Variants in PARD3B observed in about 807,000 individuals in gnomAD.
PARD3B encodes the protein par-3 family cell polarity regulator beta.
Under a neutral mutation model 130.2 loss-of-function variants are expected in PARD3B, and 103 were observed. That is an observed-to-expected ratio of 0.79 (90% CI 0.67 to 0.93). PARD3B has a LOEUF of 0.93. Among genes scored for constraint, PARD3B ranks in the 40% least tolerant of loss-of-function variants. PARD3B has a pLI of 0.00. For missense variants in PARD3B, 1,609 were observed against 1,499.2 expected, an observed-to-expected ratio of 1.07 and a Z score of -1.21; for synonymous variants, 583 against 553.2, an observed-to-expected ratio of 1.05 and a Z score of -0.76.
intron 18 of PARD3B, among the ~76,000 whole-genome samples, chr2:205,394,654 A>G (rs1231204058): frequency 1.3e-5 from 2 of 152,230 alleles, no homozygotes; most frequent in Non-Finnish European, 2.9e-5. Context: ...AATATTATTC[A>G]GCCTTAAAAG....
At position 204,730,478 on chromosome 2, in the gene PARD3B, A is replaced by C. The variant is rs1358921879; in HGVS notation, c.222+44196A>C. ...TTAGTATGTAGTTTTGTAAGGTTCA[A>C]ATTGATGTTAGAACTAAAGGTGGAA... is the stretch of plus-strand genomic sequence containing the variant. On this transcript the variant is annotated intron_variant, in intron 2 of 22. Coordinates refer to ENST00000406610, the MANE Select transcript of PARD3B (RefSeq NM_001302769.2). Among the ~76,000 whole-genome samples the C allele has an allele frequency of 8.6e-5, 13 of 151,624 alleles. No homozygotes were observed. The East Asian group carries it at 2.3e-3, about 27-fold the overall frequency.
chr2:205,300,474 A>G lies in PARD3B; in HGVS notation c.2186-56A>G. 1 of 1,457,354 alleles carries G rather than the reference A, an allele frequency of 6.9e-7. No individual in the cohort carries two copies. The highest frequency in any genetic ancestry group is 9.6e-7 in the Non-Finnish European group (1 of 1,041,386). The allele number at this position is 1,457,354 out of a possible 1,614,324, so 90.3% of individuals were successfully genotyped here. ...ACAGAAATATTCTTAGAACAATAGC[A>G]TTACACCACACTGCCCCATTAGAAG... On this transcript the variant is annotated intron_variant, in intron 16 of 22. Transcript: ENST00000406610. The surrounding 1 kb of genome is among the most constrained non-coding windows in gnomAD (Gnocchi z 4.1).
Position 205,252,513 on chromosome 2 carries a change from T to C in PARD3B, c.2185+6691T>C, listed in dbSNP as rs114848610. 7.5e-3 allele frequency among the ~76,000 whole-genome samples: 1,139 copies of C among 152,248 alleles called. 18 individuals carry two copies. The highest frequency in any genetic ancestry group is 0.026 in the African/African-American group (1,070 of 41,558). On this transcript the variant is annotated intron_variant, in intron 16 of 22. Transcript: ENST00000406610. The stretch of plus-strand genomic sequence containing the variant: ...ACGTTTCAGAAAGGATATGCTTCCA[T>C]AGCAGGATCTGAAAGCAAAATAGAA...
chr2:204,563,760 T>A (rs960586890), intron 1 of PARD3B, among the ~76,000 whole-genome samples: 2 of 152,124 alleles, frequency 1.3e-5, no homozygotes, highest in Non-Finnish European at 2.9e-5. Context: ...TCATGTCACA[T>A]CCTTTGTGGT....
intron 1 of PARD3B, among the ~76,000 whole-genome samples, chr2:204,576,410 GTT>G (rs1393352508): frequency 6.6e-6 from 1 of 152,182 alleles, no homozygotes; most frequent in Non-Finnish European, 1.5e-5. Flanking sequence ...GGCAGTATCT[GTT>G]TTGTAAATCA....
chr2:204,727,280 C>T (rs968987096), intron 2 of PARD3B, among the ~76,000 whole-genome samples: 1 of 152,110 alleles, frequency 6.6e-6, no homozygotes, highest in African/African-American at 2.4e-5. Context: ...GATGAGGATT[C>T]ATTAAGAGCC....
chr2:205,311,319 T>C (rs1431647504), intron 18 of PARD3B, among the ~76,000 whole-genome samples: 2 of 152,176 alleles, frequency 1.3e-5, no homozygotes, highest in African/African-American at 4.8e-5. Context: ...TTCACATCCT[T>C]GCCGACACTT....
chr2:205,435,838 T>G (rs2047494327), intron 19 of PARD3B, among the ~76,000 whole-genome samples: 1 of 152,158 alleles, frequency 6.6e-6, no homozygotes, highest in Non-Finnish European at 1.5e-5. Flanking sequence ...CCACAGATAT[T>G]TAGTCTTAGT....
chr2:204,702,262 T>C (rs1395055679), intron 2 of PARD3B, among the ~76,000 whole-genome samples: 1 of 152,178 alleles, frequency 6.6e-6, no homozygotes, highest in African/African-American at 2.4e-5. Context: ...ATGTACCCAA[T>C]AGTGGGATTG....
At chr2:205,333,207 G>C (rs551507050) in intron 18 of PARD3B, among the ~76,000 whole-genome samples, 1 of 152,144 alleles carries the variant, frequency 6.6e-6, no homozygotes, top group East Asian at 1.9e-4. Flanking sequence ...TACTCTATAC[G>C]TACATTGTCT....
intron 2 of PARD3B, among the ~76,000 whole-genome samples, chr2:204,815,301 G>A (rs1361950820): frequency 6.6e-6 from 1 of 151,824 alleles, no homozygotes; most frequent in Non-Finnish European, 1.5e-5. Flanking sequence ...CTAAGTTGTT[G>A]AATTTATTGG....
intron 3 of PARD3B, among the ~76,000 whole-genome samples, chr2:205,043,751 A>G (rs116004031): frequency 0.013 from 2,031 of 152,052 alleles, 32 homozygotes; most frequent in African/African-American, 0.046. Context: ...ACTCCTAATT[A>G]CCTGCCCTCT....
At chr2:205,434,444 G>A (rs947534143) in intron 19 of PARD3B, among the ~76,000 whole-genome samples, 1 of 152,108 alleles carries the variant, frequency 6.6e-6, no homozygotes, top group Non-Finnish European at 1.5e-5. Flanking sequence ...CAAGGAGCCC[G>A]TAATCTAGTT....
At chr2:205,552,402 ATTTG>A (rs1178539751) in intron 21 of PARD3B, among the ~76,000 whole-genome samples, 7 of 152,188 alleles carry the variant, frequency 4.6e-5, no homozygotes, top group African/African-American at 1.2e-4. Flanking sequence ...GCTTTTATTT[ATTTG>A]TTTATTTATT....
intron 1 of PARD3B, among the ~76,000 whole-genome samples, chr2:204,659,282 G>A (rs2035727413): frequency 6.6e-6 from 1 of 152,098 alleles, no homozygotes; most frequent in East Asian, 1.9e-4. Flanking sequence ...TCCAGTGATA[G>A]CCCCAAAGAA....
intron 5 of PARD3B, among the ~76,000 whole-genome samples, chr2:205,106,440 C>A (rs905939668): frequency 5.3e-5 from 8 of 151,998 alleles, no homozygotes; most frequent in Non-Finnish European, 8.8e-5. Flanking sequence ...TGAGCTACCA[C>A]GCCCGGCCAA....
At chr2:204,976,237 A>G (rs1362584611) in intron 3 of PARD3B, among the ~76,000 whole-genome samples, 2 of 152,228 alleles carry the variant, frequency 1.3e-5, no homozygotes, top group Non-Finnish European at 2.9e-5. Flanking sequence ...AGATTATACA[A>G]TCTTACATAT....
At chr2:204,825,830 A>G (rs1325724196) in intron 2 of PARD3B, among the ~76,000 whole-genome samples, 1 of 152,192 alleles carries the variant, frequency 6.6e-6, no homozygotes, top group Admixed American at 6.5e-5. Flanking sequence ...TTGTGTATAG[A>G]GTAATTGGTT....
intron 16 of PARD3B, among the ~76,000 whole-genome samples, chr2:205,259,781 G>A (rs750531004): frequency 6.6e-6 from 1 of 152,086 alleles, no homozygotes; most frequent in Non-Finnish European, 1.5e-5. Context: ...CTGAGTACAA[G>A]TCGAGTATCT....
Sources: allele counts gnomAD v4.1 joint callset (sites outside exome capture counted in the v4.1 genomes callset), GRCh38; gene constraint gnomAD v4.1.1; non-coding constraint Gnocchi (gnomAD v3.1); transcripts MANE v1.5; gene names NCBI Gene and HGNC (gene_info 2026-07-23, HGNC 2026-07-21).